The following PCDHGA5 variants were observed in gnomAD, a reference collection of about 807,000 sequenced individuals.
PCDHGA5 encodes the protein protocadherin gamma subfamily A, 5.
Under a neutral mutation model 56.7 loss-of-function variants are expected in PCDHGA5, and 36 were observed. The ratio of observed to expected loss-of-function variants is 0.64; its 90% CI spans 0.49 to 0.84. The LOEUF (loss-of-function observed/expected upper bound fraction) is 0.84, where lower values mean the gene tolerates loss of function less well. PCDHGA5 is among the 40% of genes least tolerant of loss of function. The pLI is 0.00. For synonymous variants in PCDHGA5, 563 were observed against 520.2 expected, an observed-to-expected ratio of 1.08 and a Z score of -1.12; for missense variants, 1,305 against 1,201.5, an observed-to-expected ratio of 1.09 and a Z score of -1.27.
At chr5:141,455,959 G>A (rs112864392) in intron 1 of PCDHGA5, among the ~76,000 whole-genome samples, 2 of 150,430 alleles carry the variant, frequency 1.3e-5, no homozygotes. Flanking sequence ...GTGCAGTGGC[G>A]CGATCTCAGC....
chr5:141,475,213 G>C (rs1359120020), intron 1 of PCDHGA5, among the ~76,000 whole-genome samples: 2 of 152,170 alleles, frequency 1.3e-5, no homozygotes, highest in African/African-American at 4.8e-5. Context: ...GAAAAGGATT[G>C]ATCAAGTAAA....
intron 1 of PCDHGA5, chr5:141,384,443 A>T: frequency 6.2e-7 from 1 of 1,614,030 alleles, no homozygotes; most frequent in Non-Finnish European, 8.5e-7. Context: ...GGAGTCCTGT[A>T]CGCGCTGCAA....
rs2099883943 is a variant in PCDHGA5, at chr5:141,511,766, G to A, written c.*593G>A. ...TGGAGGACATGATCACCATCCCCAT[G>A]GTACTGATGCTTGCTGGATTTAGGG... On this transcript the variant is annotated 3_prime_UTR_variant, in exon 4 of 4. Coordinates refer to ENST00000518069, the MANE Select transcript of PCDHGA5 (RefSeq NM_018918.3). 2 of 161,712 alleles carry A rather than the reference G, an allele frequency of 1.2e-5. No homozygotes were observed. Among genetic ancestry groups the A allele is most frequent in the Non-Finnish European group, 2.8e-5 (2 of 72,704 alleles). The allele number at this position is 161,712 out of a possible 1,614,324, so 10.0% of individuals were successfully genotyped here.
intron 1 of PCDHGA5, chr5:141,375,951 C>G (rs767101939): frequency 1.2e-6 from 2 of 1,613,526 alleles, no homozygotes; most frequent in Admixed American, 3.3e-5. Context: ...GGCCTGCACA[C>G]GGGCGAGGTG....
At chr5:141,375,066 G>A (rs1463444937) in intron 1 of PCDHGA5, 7 of 1,613,872 alleles carry the variant, frequency 4.3e-6, no homozygotes, top group Admixed American at 1.7e-5. Flanking sequence ...CCAGGTCTTC[G>A]AGACAGAGCG....
Position 141,366,032 on chromosome 5 carries a change from C to T in PCDHGA5, c.1702C>T (p.Pro568Ser), listed in dbSNP as rs754474451. The T allele has an allele frequency of 1.9e-6, 3 of 1,614,266 alleles. No homozygotes were observed. Among genetic ancestry groups the T allele is most frequent in the South Asian group, 2.2e-5 (2 of 91,086 alleles). Residue 568 changes from proline to serine, a missense_variant, in exon 1 of 4, where the codon CCC becomes TCC. Physicochemically the swap from Pro to Ser is moderately conservative, Grantham distance 74. Coordinates refer to ENST00000518069, the MANE Select transcript of PCDHGA5 (RefSeq NM_018918.3). ...GCCTGAGATCCTGTACCCCGCCCTC[C>T]CCACAGACGGTTCCACGGGCGTGGA... ...NTPEILYPAL[P>S]TDGSTGVELA...
In PCDHGA5 at chr5:141,477,070, T is replaced by A; in HGVS notation, c.2422-17737T>A. 6.2e-7 allele frequency: 1 copy of A among 1,613,342 alleles called. No individual in the cohort carries two copies. The highest frequency in any genetic ancestry group is 8.5e-7 in the Non-Finnish European group (1 of 1,179,244). ...TGGACTTCGAGGACACCAAACTCCATGAGATTTACATCCAGGCCAAAGACA... is the reference window on the plus strand; with the variant it reads ...TGGACTTCGAGGACACCAAACTCCAAGAGATTTACATCCAGGCCAAAGACA... On this transcript the variant is annotated intron_variant, in intron 1 of 3. Coordinates refer to ENST00000518069, the MANE Select transcript of PCDHGA5 (RefSeq NM_018918.3). The surrounding 1 kb of genome is among the most constrained non-coding windows in gnomAD (Gnocchi z 4.9).
chr5:141,484,236 G>C (rs1272971014), intron 1 of PCDHGA5, among the ~76,000 whole-genome samples: 2 of 152,132 alleles, frequency 1.3e-5, no homozygotes, highest in Non-Finnish European at 2.9e-5. Context: ...AAGAGATCTG[G>C]TCCTTAGCAC....
At chr5:141,389,337 G>T (rs756804360) in intron 1 of PCDHGA5, 7 of 1,614,014 alleles carry the variant, frequency 4.3e-6, no homozygotes, top group Non-Finnish European at 5.9e-6. Flanking sequence ...CAACGGCCAA[G>T]TCTCTTACTG....
At chr5:141,414,844 C>T (rs769714220) in intron 1 of PCDHGA5, 3 of 1,614,216 alleles carry the variant, frequency 1.9e-6, no homozygotes, top group South Asian at 2.2e-5. Flanking sequence ...CCTGTTTGTG[C>T]TGGACCAGAA....
At position 141,431,612 on chromosome 5, in the gene PCDHGA5, G is replaced by A. The variant is rs79883194; in HGVS notation, c.2422-63195G>A. 1.9e-6 allele frequency: 3 copies of A among 1,614,126 alleles called. No homozygotes were observed. The highest frequency in any genetic ancestry group is 2.5e-6 in the Non-Finnish European group (3 of 1,180,052). ...AGTGAGGTATTCCTTCCGGTATGTG[G>A]ACGACAAGGCGGCCCAAGTTTTCAA... On this transcript the variant is annotated intron_variant, in intron 1 of 3. Coordinates refer to ENST00000518069, the MANE Select transcript of PCDHGA5 (RefSeq NM_018918.3). This position sits in a 1 kb window ranked among gnomAD's most constrained non-coding sequence, Gnocchi z 4.8.
chr5:141,414,864 G>A (rs766848727), intron 1 of PCDHGA5: 2 of 1,614,174 alleles, frequency 1.2e-6, no homozygotes, highest in South Asian at 2.2e-5. Context: ...ACGACAATGC[G>A]CCCGAGATCC....
intron 1 of PCDHGA5, among the ~76,000 whole-genome samples, chr5:141,449,978 T>A (rs1025332419): frequency 6.6e-6 from 1 of 151,030 alleles, no homozygotes; most frequent in Non-Finnish European, 1.5e-5. Context: ...GTCCAAAATA[T>A]CACACATTGC....
At chr5:141,478,500 T>C (rs754881921) in intron 1 of PCDHGA5, 16 of 1,612,740 alleles carry the variant, frequency 9.9e-6, no homozygotes, top group Non-Finnish European at 1.4e-5. Context: ...TGTGATCCGG[T>C]GTTCTATAGG....
chr5:141,478,186 C>T, intron 1 of PCDHGA5: 2 of 1,614,016 alleles, frequency 1.2e-6, no homozygotes, highest in Non-Finnish European at 1.7e-6. Context: ...AAAAAAATCT[C>T]ACCTTTTATC....
chr5:141,404,466 TCTCTATTAA>T, intron 1 of PCDHGA5: 5 of 1,613,558 alleles, frequency 3.1e-6, no homozygotes, highest in Non-Finnish European at 4.2e-6. Context: ...TCCACCTATG[TCTCTATTAA>T]CTCAGACACT....
rs1015821056 is a variant in PCDHGA5 at position 141,397,642 on chromosome 5, T to C, written c.2421+30891T>C. On this transcript the variant is annotated intron_variant, in intron 1 of 3. Coordinates refer to ENST00000518069, the MANE Select transcript of PCDHGA5 (RefSeq NM_018918.3). Reference sequence around the variant, plus strand: ...TAGTTCTAGCTAAGAGTTCAAGGTATGTTTGCAGAATGGTGAAAGAATGGA... The same window carrying C: ...TAGTTCTAGCTAAGAGTTCAAGGTACGTTTGCAGAATGGTGAAAGAATGGA... Among the ~76,000 whole-genome samples, 3 of 152,236 alleles carry C rather than the reference T, an allele frequency of 2.0e-5. No individual in the cohort carries two copies. The East Asian group carries it at 5.8e-4, about 29-fold the overall frequency.
At chr5:141,482,768 CTGA>C (rs2099572195) in intron 1 of PCDHGA5, among the ~76,000 whole-genome samples, 1 of 126,868 alleles carries the variant, frequency 7.9e-6, no homozygotes, top group Admixed American at 7.7e-5. Flanking sequence ...TTCATTATCA[CTGA>C]ACCTTAAACT....
intron 1 of PCDHGA5, chr5:141,372,194 C>T: frequency 6.2e-7 from 1 of 1,613,572 alleles, no homozygotes; most frequent in Non-Finnish European, 8.5e-7. Context: ...ACTCGGGATA[C>T]AACGCCTGGC....
Sources: gnomAD v4.1 joint callset for allele counts (sites outside exome capture counted in the v4.1 genomes callset) on GRCh38, gnomAD v4.1.1 for gene constraint, Gnocchi (gnomAD v3.1) non-coding constraint, MANE v1.5 for transcripts, NCBI Gene and HGNC (gene_info 2026-07-23, HGNC 2026-07-21) for gene names.